CTNNA2: variants seen among roughly 807,000 people sequenced by gnomAD.
The protein encoded by CTNNA2 is catenin alpha-2.
A neutral mutation model predicts 101.0 loss-of-function variants in CTNNA2; 42 were observed. The ratio of observed to expected loss-of-function variants is 0.42; its 90% CI spans 0.32 to 0.54. CTNNA2 has a LOEUF of 0.54. CTNNA2 is among the 20% of genes least tolerant of loss of function. The pLI is 0.14. For synonymous variants in CTNNA2, 450 were observed against 456.4 expected (o/e 0.99, Z 0.18); for missense variants, 871 against 1,223.1 (o/e 0.71, Z 4.29).
chr2:80,433,739 T>G (rs1324862061), intron 9 of CTNNA2, among the ~76,000 whole-genome samples: 1 of 152,218 alleles, frequency 6.6e-6, no homozygotes, highest in African/African-American at 2.4e-5. Context: ...CTGACCTTTC[T>G]TATTTCTCCC....
At chr2:79,220,585 T>C (rs924316808) in intron 2 of CTNNA2, among the ~76,000 whole-genome samples, 1 of 152,068 alleles carries the variant, frequency 6.6e-6, no homozygotes, top group Admixed American at 6.5e-5. Flanking sequence ...AGGAGGGCGA[T>C]ACAAGATTGT....
intron 3 of CTNNA2, among the ~76,000 whole-genome samples, chr2:79,760,507 T>A (rs1165683795): frequency 6.6e-6 from 1 of 152,124 alleles, no homozygotes; most frequent in African/African-American, 2.4e-5. Context: ...CCAGCAGACC[T>A]CGGTTTTTGC....
chr2:80,621,909 G>A (rs1209328821), intron 18 of CTNNA2, among the ~76,000 whole-genome samples: 2 of 151,798 alleles, frequency 1.3e-5, no homozygotes, highest in African/African-American at 4.8e-5. Context: ...ATTGCACTGG[G>A]GAGTCTTATA....
chr2:80,360,722 C>T (rs1193676507), intron 7 of CTNNA2, among the ~76,000 whole-genome samples: 4 of 151,928 alleles, frequency 2.6e-5, no homozygotes, highest in Non-Finnish European at 4.4e-5. Flanking sequence ...AGAAGGGTGA[C>T]GTTTGCAAAT....
chr2:79,920,359 A>G (rs1441692399), intron 7 of CTNNA2, among the ~76,000 whole-genome samples: 2 of 152,214 alleles, frequency 1.3e-5, no homozygotes, highest in Admixed American at 1.3e-4. Flanking sequence ...GCCACACTCC[A>G]AAATCACATC....
At chr2:80,548,004 T>A (rs894836445) in intron 11 of CTNNA2, among the ~76,000 whole-genome samples, 7 of 152,156 alleles carry the variant, frequency 4.6e-5, no homozygotes, top group Non-Finnish European at 8.8e-5. Flanking sequence ...TTTCTGCTTT[T>A]TTATTTTTAT....
intron 3 of CTNNA2, among the ~76,000 whole-genome samples, chr2:79,817,446 C>T (rs980254004): frequency 6.7e-6 from 1 of 149,246 alleles, no homozygotes; most frequent in Non-Finnish European, 1.5e-5. Flanking sequence ...GGATCAGGCT[C>T]TCGTATTTCC....
At chr2:80,105,265 C>T (rs1161232801) in intron 7 of CTNNA2, among the ~76,000 whole-genome samples, 2 of 152,146 alleles carry the variant, frequency 1.3e-5, no homozygotes, top group Non-Finnish European at 2.9e-5. Context: ...CATTTCATGC[C>T]TCTCTGTGAT....
chr2:80,568,770 C>A (rs1694293955), intron 12 of CTNNA2, among the ~76,000 whole-genome samples: 1 of 152,088 alleles, frequency 6.6e-6, no homozygotes, highest in African/African-American at 2.4e-5. Flanking sequence ...GAAAATAAAT[C>A]ATTCATGGAT....
intron 7 of CTNNA2, among the ~76,000 whole-genome samples, chr2:80,341,023 A>T (rs1053019121): frequency 3.3e-5 from 5 of 152,184 alleles, no homozygotes; most frequent in Non-Finnish European, 5.9e-5. Flanking sequence ...CAGATGAAGG[A>T]GTACACAGGG....
chr2:80,316,944 A>G (rs1436857229), intron 7 of CTNNA2, among the ~76,000 whole-genome samples: 1 of 152,150 alleles, frequency 6.6e-6, no homozygotes, highest in Non-Finnish European at 1.5e-5. Context: ...GGAAGAGAGA[A>G]ATTGAGGGAC....
intron 7 of CTNNA2, among the ~76,000 whole-genome samples, chr2:80,272,567 T>C (rs1230332106): frequency 6.6e-6 from 1 of 152,144 alleles, no homozygotes; most frequent in Non-Finnish European, 1.5e-5. Context: ...GAAAACTACA[T>C]TCTCTCTCTT....
Position 80,264,758 on chromosome 2 carries a change from C to T in CTNNA2, c.1057-128453C>T, listed in dbSNP as rs1439115647. Among the ~76,000 whole-genome samples, 7 of 151,996 alleles carry T rather than the reference C, an allele frequency of 4.6e-5. No homozygotes were observed. In the East Asian group the frequency reaches 7.7e-4, roughly 17 times the overall value. On this transcript the variant is annotated intron_variant, in intron 7 of 18. Transcript: ENST00000402739. ...AAGTAGAAACTGAGAAAGAAAGGAT[C>T]GAGGTGGTGATACTGATACACAAAG...
chr2:80,130,493 G>T (rs1466080629), intron 7 of CTNNA2, among the ~76,000 whole-genome samples: 1 of 152,148 alleles, frequency 6.6e-6, no homozygotes, highest in Non-Finnish European at 1.5e-5. Flanking sequence ...AATATCATCT[G>T]CCATTTGTAT....
chr2:79,832,171 C>T (rs775993524), intron 3 of CTNNA2, among the ~76,000 whole-genome samples: 58 of 152,206 alleles, frequency 3.8e-4, no homozygotes, highest in Non-Finnish European at 1.0e-4. Flanking sequence ...ACTGAACGGC[C>T]TGTGTCGCCT....
At chr2:79,823,822 C>A (rs1359185759) in intron 3 of CTNNA2, among the ~76,000 whole-genome samples, 2 of 152,074 alleles carry the variant, frequency 1.3e-5, no homozygotes. Flanking sequence ...CCTTACCCCA[C>A]CTCACAAATA....
At chr2:79,198,887 A>C (rs1335907595) in intron 2 of CTNNA2, among the ~76,000 whole-genome samples, 2 of 152,230 alleles carry the variant, frequency 1.3e-5, no homozygotes, top group East Asian at 3.8e-4. Context: ...TAAGATTTTT[A>C]TTTAACTTAT....
chr2:79,545,687 C>G (rs1362123017), intron 1 of CTNNA2, among the ~76,000 whole-genome samples: 2 of 152,104 alleles, frequency 1.3e-5, no homozygotes, highest in African/African-American at 2.4e-5. Context: ...CATACACCCA[C>G]TAGGTGTCAG....
chr2:79,499,956 A>G (rs1197343212), intron 4 of CTNNA2, among the ~76,000 whole-genome samples: 1 of 152,224 alleles, frequency 6.6e-6, no homozygotes, highest in Non-Finnish European at 1.5e-5. Flanking sequence ...CGGTACAGAC[A>G]AATTTTGAAT....
Sources: gnomAD v4.1 joint callset for allele counts (sites outside exome capture counted in the v4.1 genomes callset) on GRCh38, gnomAD v4.1.1 for gene constraint, MANE v1.5 for transcripts, NCBI Gene and HGNC (gene_info 2026-07-23, HGNC 2026-07-21) for gene names.